Variants in TSPEAR observed in about 807,000 individuals in gnomAD.
TSPEAR encodes the protein thrombospondin-type laminin G domain and EAR repeat-containing protein.
A neutral mutation model predicts 71.6 loss-of-function variants in TSPEAR; 69 were observed. That is an observed-to-expected ratio of 0.96 (90% CI 0.79 to 1.18). TSPEAR has a LOEUF of 1.18. Ranked by LOEUF, TSPEAR falls within the 50% of genes most tolerant of loss-of-function variation. The probability of loss-of-function intolerance (pLI) is 0.00; values close to 1 mark genes in which losing one functional copy is unlikely to be tolerated. For synonymous variants in TSPEAR, 402 were observed against 387.2 expected, an observed-to-expected ratio of 1.04 and a Z score of -0.45; for missense variants, 971 against 894.9, an observed-to-expected ratio of 1.09 and a Z score of -1.09.
At chr21:44,535,456 A>G (rs888270931) in intron 2 of TSPEAR, among the ~76,000 whole-genome samples, 1 of 152,262 alleles carries the variant, frequency 6.6e-6, no homozygotes, top group South Asian at 2.1e-4. Context: ...GTTAGACAGC[A>G]TACAGTCACG....
At chr21:44,697,032 T>C (rs1987373575) in intron 1 of TSPEAR, 1 of 991,624 alleles carries the variant, frequency 1.0e-6, no homozygotes, top group Non-Finnish European at 1.4e-6. Flanking sequence ...AGACGCTCAC[T>C]CACTCCCTCC....
At position 44,567,986 on chromosome 21, in the gene TSPEAR, G is replaced by C. The variant is rs1237164123; in HGVS notation, c.102C>G (p.Ile34Met). ...CATCAGAAGGGACCACTTCCGCCAG[G>C]ATGTCCAGGGGGCGCAGGTCTGTGG... Reference protein sequence around the residue: ...EPCTDLRPLDILAEVVPSDGA... With the variant: ...EPCTDLRPLDMLAEVVPSDGA... The change falls in exon 2 of 12, where the codon ATC becomes ATG. Residue 34 changes from isoleucine (I) to methionine (M), a missense_variant. By Grantham distance (10) the Ile-to-Met change is conservative. Coordinates refer to ENST00000323084, the MANE Select transcript of TSPEAR (RefSeq NM_144991.3). The C allele has an allele frequency of 1.9e-6, 3 of 1,547,432 alleles. No individual in the cohort carries two copies. Among genetic ancestry groups the C allele is most frequent in the Non-Finnish European group, 2.6e-6 (3 of 1,141,982 alleles).
At chr21:44,501,104 G>A (rs748830151) in intron 11 of TSPEAR, among the ~76,000 whole-genome samples, 4 of 152,184 alleles carry the variant, frequency 2.6e-5, no homozygotes, top group Non-Finnish European at 5.9e-5. Context: ...CTAATCTCCC[G>A]AATCATATGG....
rs531836162 is a variant in TSPEAR, at chr21:44,703,581, C to T, written c.82+7852G>A. ...GGCTGGGGTGGGGCCTCCCTCTCCC[C>T]GGGAGCCCTGGCATTTTACTGAAAT... On this transcript the variant is annotated intron_variant, in intron 1 of 11. Transcript: ENST00000323084. 3.9e-5 allele frequency among the ~76,000 whole-genome samples: 6 copies of T among 152,308 alleles called. No homozygotes were observed. The South Asian group carries it at 6.2e-4, about 16-fold the overall frequency.
At chr21:44,519,248 G>T (rs2145954978) in intron 9 of TSPEAR, 1 of 152,838 alleles carries the variant, frequency 6.5e-6, no homozygotes, top group Non-Finnish European at 1.5e-5. Flanking sequence ...CACCAGGATG[G>T]TCTTGATCTC....
At chr21:44,606,317 A>G (rs1478679322) in intron 1 of TSPEAR, among the ~76,000 whole-genome samples, 9 of 152,326 alleles carry the variant, frequency 5.9e-5, no homozygotes, top group Non-Finnish European at 1.0e-4. Flanking sequence ...TGAAGATGCA[A>G]TGAGACATCA....
At chr21:44,591,817 G>C (rs782752848) in intron 1 of TSPEAR, 1 of 1,598,238 alleles carries the variant, frequency 6.3e-7, no homozygotes, top group Non-Finnish European at 8.5e-7. Context: ...CTGCTGGCAG[G>C]GGGAGGAGGT....
intron 1 of TSPEAR, chr21:44,627,344 G>T (rs1555934617): frequency 6.2e-7 from 1 of 1,613,334 alleles, no homozygotes; most frequent in Non-Finnish European, 8.5e-7. Flanking sequence ...AGCCCCTGCT[G>T]CCAGGTGACC....
chr21:44,526,905 G>A (rs1460291676), intron 7 of TSPEAR, among the ~76,000 whole-genome samples: 20 of 152,230 alleles, frequency 1.3e-4, no homozygotes, highest in Admixed American at 1.1e-3. Flanking sequence ...TGGACATCAC[G>A]TGTCCTCAAC....
intron 10 of TSPEAR, chr21:44,508,596 C>T: frequency 8.5e-7 from 1 of 1,177,794 alleles, no homozygotes; most frequent in Non-Finnish European, 1.1e-6. Context: ...ATTCTCAGTG[C>T]CCACTGTCCA....
At position 44,509,308 on chromosome 21, in the gene TSPEAR, C is replaced by T. The variant is rs782644109; in HGVS notation, c.1645G>A (p.Asp549Asn). The change falls in exon 10 of 12, where the codon GAT (aspartate) becomes AAT (asparagine). Residue 549 changes from aspartate (D) to asparagine (N), a missense_variant. By Grantham distance (23) the Asp-to-Asn change is conservative (BLOSUM62 1). Transcript: ENST00000323084. The stretch of plus-strand genomic sequence containing the variant: ...TCATTCTGGACTTGCATCTCCACAT[C>T]GTAGCTGTGACTGTTTGCCACAGCG... ...FLAVANSHSYDVEMQVQNDSY... is the reference protein window; with the variant it reads ...FLAVANSHSYNVEMQVQNDSY... 1.2e-5 allele frequency: 19 copies of T among 1,613,952 alleles called. No individual in the cohort carries two copies. In the African/African-American group the frequency reaches 1.2e-4, roughly 10 times the overall value.
intron 7 of TSPEAR, 70 bp downstream of exon 7, chr21:44,527,222 G>A (rs1270750390): frequency 1.3e-6 from 2 of 1,532,900 alleles, no homozygotes; most frequent in Non-Finnish European, 1.8e-6. Flanking sequence ...TCAGTGTAGG[G>A]GGCCCCGCCT....
At position 44,533,970 on chromosome 21, in the gene TSPEAR, G is replaced by A. The variant is rs587597633; in HGVS notation, c.304-47C>T. The A allele has an allele frequency of 8.6e-5, 120 of 1,395,646 alleles. 1 individual carries two copies. In the East Asian group the frequency reaches 1.5e-3, roughly 17 times the overall value. 86.5% of individuals were successfully genotyped at this position (1,395,646 alleles called of 1,614,324 possible). ...CAGGACGGGGCTGGGGGTAGGGGTC[G>A]GGTGCGGGGGCAGGGCAGATGGGAA... On this transcript the variant is annotated intron_variant, in intron 2 of 11. Transcript: ENST00000323084.
intron 1 of TSPEAR, among the ~76,000 whole-genome samples, chr21:44,639,922 C>T (rs997368692): frequency 2.0e-5 from 3 of 152,232 alleles, no homozygotes; most frequent in Non-Finnish European, 4.4e-5. Flanking sequence ...GGTCCTCATT[C>T]GATGTGTCTT....
chr21:44,555,459 G>A (rs1305839653), intron 2 of TSPEAR, among the ~76,000 whole-genome samples: 4 of 152,178 alleles, frequency 2.6e-5, no homozygotes, highest in African/African-American at 9.7e-5. Context: ...GCCAAAGGGA[G>A]GGCAGCCTGG....
At chr21:44,538,491 C>T (rs2053135601) in intron 2 of TSPEAR, among the ~76,000 whole-genome samples, 1 of 152,050 alleles carries the variant, frequency 6.6e-6, no homozygotes, top group Admixed American at 6.5e-5. Context: ...CCTCCATCCG[C>T]CCACCCCATG....
chr21:44,535,120 GAGACGA>G lies in TSPEAR; in HGVS notation c.304-1203_304-1198del, dbSNP rs1217098601. Among the ~76,000 whole-genome samples the G allele has an allele frequency of 1.2e-4, 19 of 152,280 alleles. No individual in the cohort carries two copies. The South Asian group carries it at 3.7e-3, about 30-fold the overall frequency. On this transcript the variant is annotated intron_variant, in intron 2 of 11. Transcript: ENST00000323084. ...AATGGGTGTGGAGTTTCAGTGTTGG[GAGACGA>G]AGAAGTTCTGGAGATGGACGGTGGT...
intron 1 of TSPEAR, among the ~76,000 whole-genome samples, chr21:44,615,948 G>A (rs587722315): frequency 5.3e-5 from 8 of 152,336 alleles, no homozygotes; most frequent in East Asian, 1.9e-4. Context: ...TACTTCAGGC[G>A]GGGCCGCCAG....
intron 1 of TSPEAR, chr21:44,573,699 C>G: frequency 1.9e-6 from 3 of 1,577,848 alleles, no homozygotes; most frequent in Non-Finnish European, 2.6e-6. Flanking sequence ...ACCTCACTCA[C>G]TCGCTCACCC....
Sources: allele counts gnomAD v4.1 joint callset (sites outside exome capture counted in the v4.1 genomes callset), GRCh38; gene constraint gnomAD v4.1.1; transcripts MANE v1.5; gene names NCBI Gene and HGNC (gene_info 2026-07-23, HGNC 2026-07-21).